The following DST variants were observed in gnomAD, a reference collection of about 807,000 sequenced individuals.
DST encodes bullous pemphigoid antigen.
DST carries 253 observed loss-of-function variants against 875.2 expected under a neutral mutation model. The observed-to-expected ratio is 0.29, with a 90% CI of 0.26 to 0.32. The LOEUF is 0.32. DST is among the 10% of genes least tolerant of loss of function. The probability of loss-of-function intolerance (pLI) is 1.00; values close to 1 mark genes in which losing one functional copy is unlikely to be tolerated. For missense variants in DST, 8,287 were observed against 9,111.6 expected (o/e 0.91, Z 3.68); for synonymous variants, 3,124 against 3,197.1 (o/e 0.98, Z 0.77).
At chr6:56,537,018 C>T (rs2097017081) in intron 61 of DST, 78 bp from the exon 62 acceptor site, 1 of 1,339,074 alleles carries the variant, frequency 7.5e-7, no homozygotes, top group Non-Finnish European at 1.0e-6. Flanking sequence ...TTTCTTTAGG[C>T]ATCAGGTTGT....
At chr6:56,944,136 A>G (rs1818197459) in intron 2 of DST, among the ~76,000 whole-genome samples, 1 of 152,176 alleles carries the variant, frequency 6.6e-6, no homozygotes, top group Non-Finnish European at 1.5e-5. Context: ...AATAAAAATA[A>G]GATACAATAT....
At position 56,603,516 on chromosome 6, in the gene DST, A is replaced by T; in HGVS notation, c.10941+48T>A. ...AGTGTTCTGCTTCTTTTTCCCAGTCATACATCAGCTGACTACCATCCATAA... is the reference window on the plus strand; with the variant it reads ...AGTGTTCTGCTTCTTTTTCCCAGTCTTACATCAGCTGACTACCATCCATAA... On this transcript the variant is annotated intron_variant, in intron 41 of 103. Coordinates refer to ENST00000680361, the MANE Select transcript of DST (RefSeq NM_001374736.1). 3.1e-6 allele frequency: 5 copies of T among 1,590,684 alleles called. No individual in the cohort carries two copies. In the South Asian group the frequency reaches 5.7e-5, roughly 18 times the overall value.
intron 9 of DST, among the ~76,000 whole-genome samples, chr6:56,672,194 A>G (rs2099105051): frequency 6.6e-6 from 1 of 152,194 alleles, no homozygotes; most frequent in Non-Finnish European, 1.5e-5. Context: ...CGGGGCAGGA[A>G]GGCTGTGGCA....
At chr6:56,663,450 G>GCACA (rs2099055424) in intron 10 of DST, among the ~76,000 whole-genome samples, 1 of 152,182 alleles carries the variant, frequency 6.6e-6, no homozygotes, top group Non-Finnish European at 1.5e-5. Flanking sequence ...CCATGTGTAT[G>GCACA]CACACACATA....
At chr6:56,933,163 A>T (rs1228826629) in intron 2 of DST, among the ~76,000 whole-genome samples, 1 of 152,090 alleles carries the variant, frequency 6.6e-6, no homozygotes, top group Non-Finnish European at 1.5e-5. Flanking sequence ...ACCAGAGCTA[A>T]CAATCTTTTC....
At chr6:56,899,024 C>T (rs1445301387) in intron 3 of DST, among the ~76,000 whole-genome samples, 1 of 152,106 alleles carries the variant, frequency 6.6e-6, no homozygotes, top group Non-Finnish European at 1.5e-5. Flanking sequence ...AGATCCAAAT[C>T]CTAAACTCTA....
chr6:56,808,051 G>A (rs2099755273), intron 4 of DST, among the ~76,000 whole-genome samples: 2 of 152,028 alleles, frequency 1.3e-5, no homozygotes, highest in Non-Finnish European at 1.5e-5. Context: ...TTCACTATAC[G>A]TTAATAAACA....
chr6:56,546,382 ATATATAT>A lies in DST; in HGVS notation c.16608+5795_16608+5801del, dbSNP rs1562695945. Reference sequence around the variant, plus strand: ...TATATATATATATATATATATATATATATATATAAATGTCAAAAAGTTCATTTAAAGA... The same window carrying A: ...TATATATATATATATATATATATATAAAATGTCAAAAAGTTCATTTAAAGA... On this transcript the variant is annotated intron_variant, in intron 61 of 103. Transcript: ENST00000680361. Among the ~76,000 whole-genome samples, 166 of 133,648 alleles carry A rather than the reference ATATATAT, an allele frequency of 1.2e-3. 3 individuals carry two copies. In the East Asian group the frequency reaches 0.025, roughly 20 times the overall value. The allele number at this position is 133,648 out of a possible 152,430, so 87.7% of individuals were successfully genotyped here. A position where few individuals can be genotyped will look rare whatever the true frequency, so the allele number is the denominator to read the frequency against.
At chr6:56,798,475 C>G (rs886249341) in intron 4 of DST, among the ~76,000 whole-genome samples, 1 of 152,082 alleles carries the variant, frequency 6.6e-6, no homozygotes, top group Non-Finnish European at 1.5e-5. Flanking sequence ...TTTAAGCTCA[C>G]TATTGAGATT....
intron 5 of DST, among the ~76,000 whole-genome samples, chr6:56,733,977 C>T (rs189813811): frequency 1.3e-5 from 2 of 152,306 alleles, no homozygotes; most frequent in Admixed American, 1.3e-4. Context: ...GGGAACACGT[C>T]CCTAGCCTGA....
At chr6:56,716,771 G>A (rs1455868322) in intron 5 of DST, among the ~76,000 whole-genome samples, 2 of 152,144 alleles carry the variant, frequency 1.3e-5, no homozygotes, top group Admixed American at 1.3e-4. Context: ...CTACATTTTT[G>A]GCACCAGGGA....
intron 4 of DST, chr6:56,843,348 C>T (rs2099802814): frequency 8.3e-6 from 10 of 1,200,310 alleles, no homozygotes; most frequent in Non-Finnish European, 8.3e-6. Context: ...AACGCCCAGG[C>T]CTCCGGGCAG....
At chr6:56,611,692 C>T in intron 37 of DST, 96 bp from the exon 38 acceptor site, 2 of 856,448 alleles carry the variant, frequency 2.3e-6, no homozygotes, top group Non-Finnish European at 3.6e-6. Flanking sequence ...TTAGTCAAGA[C>T]CCAAGTCTAT....
chr6:56,632,773 A>T (rs1417445675), intron 28 of DST, 81 bp downstream of exon 28: 3 of 1,138,582 alleles, frequency 2.6e-6, no homozygotes, highest in Non-Finnish European at 3.9e-6. Context: ...TATACCTAAG[A>T]TTGAGATTCC....
At chr6:56,807,667 G>T (rs951563906) in intron 4 of DST, among the ~76,000 whole-genome samples, 1 of 152,090 alleles carries the variant, frequency 6.6e-6, no homozygotes, top group Non-Finnish European at 1.5e-5. Context: ...AATAGTGCTG[G>T]AAAAACTAGA....
At chr6:56,778,880 A>C (rs1368327218) in intron 4 of DST, among the ~76,000 whole-genome samples, 1 of 151,912 alleles carries the variant, frequency 6.6e-6, no homozygotes, top group Non-Finnish European at 1.5e-5. Context: ...ATGATTTATA[A>C]TCCTTTGGGT....
intron 9 of DST, among the ~76,000 whole-genome samples, chr6:56,687,213 C>T (rs1320534252): frequency 1.3e-5 from 2 of 152,102 alleles, no homozygotes; most frequent in Non-Finnish European, 2.9e-5. Context: ...AAATTCAATC[C>T]CTTTATATGT....
intron 17 of DST, among the ~76,000 whole-genome samples, chr6:56,640,811 A>C (rs889684747): frequency 1.3e-5 from 2 of 152,130 alleles, no homozygotes; most frequent in Non-Finnish European, 2.9e-5. Context: ...TGTATTTTTC[A>C]CTCAATTTTT....
At chr6:56,941,424 A>T (rs902494894) in intron 2 of DST, among the ~76,000 whole-genome samples, 3 of 152,086 alleles carry the variant, frequency 2.0e-5, no homozygotes, top group Non-Finnish European at 4.4e-5. Flanking sequence ...TTGTATTCTG[A>T]CCCAGAATAT....
Sources: allele counts gnomAD v4.1 joint callset (sites outside exome capture counted in the v4.1 genomes callset), GRCh38; gene constraint gnomAD v4.1.1; transcripts MANE v1.5; gene names NCBI Gene and HGNC (gene_info 2026-07-23, HGNC 2026-07-21).